NAA38: variants seen among roughly 807,000 people sequenced by gnomAD.
NAA38 encodes the protein LSM domain containing 1.
A neutral mutation model predicts 12.6 loss-of-function variants in NAA38; 15 were observed. The ratio of observed to expected loss-of-function variants is 1.19; its 90% CI spans 0.79 to 1.83. The LOEUF (loss-of-function observed/expected upper bound fraction) is 1.83, where lower values mean the gene tolerates loss of function less well. Among genes scored for constraint, NAA38 ranks in the 40% most tolerant of loss-of-function variants. The probability of loss-of-function intolerance (pLI) is 0.00; values close to 1 mark genes in which losing one functional copy is unlikely to be tolerated. For missense variants in NAA38, 183 were observed against 171.7 expected (o/e 1.07, Z -0.37); for synonymous variants, 88 against 69.9 (o/e 1.26, Z -1.29).
At chr17:7,881,914 C>A (rs1191866264) in intron 2 of NAA38, among the ~76,000 whole-genome samples, 2 of 150,134 alleles carry the variant, frequency 1.3e-5, no homozygotes, top group South Asian at 4.3e-4. Flanking sequence ...GAAAAAGAGG[C>A]TGCCAGCCAG....
chr17:7,885,154 G>A, intron 1 of NAA38: 1 of 982,058 alleles, frequency 1.0e-6, no homozygotes, highest in Non-Finnish European at 1.2e-6. Context: ...GGGCGGGGGC[G>A]AGGCACCCAC....
At chr17:7,858,639 C>G (rs1362395163), upstream of NAA38, 1 of 1,606,362 alleles carries the variant, frequency 6.2e-7, no homozygotes, top group African/African-American at 1.3e-5. Flanking sequence ...GACCGGCTGC[C>G]TGAGGTACTG....
chr17:7,872,633 T>A (rs1967106613), intron 2 of NAA38, among the ~76,000 whole-genome samples: 3 of 152,254 alleles, frequency 2.0e-5, no homozygotes, highest in Non-Finnish European at 4.4e-5. Context: ...AGTGCTGGGA[T>A]TATAGGCCTG....
Position 7,856,791 on chromosome 17 carries a change from T to C in NAA38, c.318A>G (p.Gly106=). 6.2e-7 allele frequency: 1 copy of C among 1,613,910 alleles called. No individual in the cohort carries two copies. The highest frequency in any genetic ancestry group is 8.5e-7 in the Non-Finnish European group (1 of 1,180,004). ...PRVLGLAMVP[G]HHIVSIEVQR... ...GCACCTCAATGGAAACGATGTGGTG[T>C]CCGGGTACCATGGCCAGGCCCAGCA... The change falls in exon 3 of 3, where the codon GGA becomes GGG. Residue 106 remains glycine (G), a synonymous_variant. Coordinates refer to ENST00000575771, the MANE Select transcript of NAA38 (RefSeq NM_001320925.4).
At chr17:7,878,410 G>A (rs1371538025) in intron 2 of NAA38, among the ~76,000 whole-genome samples, 1 of 151,774 alleles carries the variant, frequency 6.6e-6, no homozygotes, top group East Asian at 1.9e-4. Context: ...TGATCAACAT[G>A]GGGTTGCTGA....
upstream of NAA38, chr17:7,862,698 C>T (rs972096167): frequency 2.7e-5 from 4 of 149,456 alleles, no homozygotes; most frequent in Non-Finnish European, 5.9e-5. Context: ...GAGATAGTGC[C>T]ATTGCACTCC....
intron 2 of NAA38, 85 bp downstream of exon 2, chr17:7,856,930 G>C (rs1567810899): frequency 6.3e-7 from 1 of 1,591,562 alleles, no homozygotes. Flanking sequence ...AGAAAACAAG[G>C]GTTGCAGCCA....
intron 2 of NAA38, among the ~76,000 whole-genome samples, chr17:7,876,613 C>G (rs193104174): frequency 3.3e-5 from 5 of 152,200 alleles, no homozygotes; most frequent in East Asian, 1.9e-4. Flanking sequence ...TTGCTTCCCC[C>G]CTCCCAACCA....
At chr17:7,884,914 G>A (rs1453137304) in intron 1 of NAA38, 2 of 1,418,602 alleles carry the variant, frequency 1.4e-6, no homozygotes, top group Non-Finnish European at 1.9e-6. Flanking sequence ...AGGAGGAGGT[G>A]GAGGCGGCCG....
At chr17:7,863,925 C>A (rs1966917348) in intron 3 of NAA38, 1 of 152,192 alleles carries the variant, frequency 6.6e-6, no homozygotes, top group African/African-American at 2.4e-5. Context: ...AAGCTCTAAC[C>A]TTTGGGGCTA....
chr17:7,878,266 G>A (rs1336167002), intron 2 of NAA38, among the ~76,000 whole-genome samples: 1 of 151,932 alleles, frequency 6.6e-6, no homozygotes, highest in African/African-American at 2.4e-5. Context: ...TATAGATATG[G>A]CAAATCATGA....
At chr17:7,860,147 CTTT>C (rs57736014), upstream of NAA38, 5 of 147,252 alleles carry the variant, frequency 3.4e-5, no homozygotes, top group African/African-American at 1.0e-4. Flanking sequence ...CATATACCCT[CTTT>C]TTTTTTTTTG....
At chr17:7,875,954 T>TTA (rs1009166744) in intron 2 of NAA38, among the ~76,000 whole-genome samples, 9 of 152,252 alleles carry the variant, frequency 5.9e-5, no homozygotes, top group African/African-American at 1.9e-4. Context: ...TTCATCCATC[T>TTA]TATAGCATGT....
chr17:7,858,201 G>C, upstream of NAA38: 2 of 1,613,986 alleles, frequency 1.2e-6, no homozygotes, highest in Non-Finnish European at 1.7e-6. Flanking sequence ...TTTCACGCCG[G>C]CGGAGGTGGC....
intron 2 of NAA38, among the ~76,000 whole-genome samples, chr17:7,876,799 T>C (rs1038775476): frequency 1.6e-4 from 24 of 152,220 alleles, no homozygotes; most frequent in African/African-American, 5.5e-4. Context: ...CTTTATAAGA[T>C]GTACAATTAA....
chr17:7,878,586 G>A (rs1467116679), intron 2 of NAA38, among the ~76,000 whole-genome samples: 2 of 152,066 alleles, frequency 1.3e-5, no homozygotes, highest in Non-Finnish European at 2.9e-5. Flanking sequence ...AGCCGGGTGT[G>A]GTGGTGGCAC....
At chr17:7,863,349 G>A (rs1597876719) in intron 3 of NAA38, 2 of 152,126 alleles carry the variant, frequency 1.3e-5, no homozygotes, top group Admixed American at 1.3e-4. Flanking sequence ...GGTGGTGGGT[G>A]AAGGATGGAA....
At chr17:7,859,153 T>G, upstream of NAA38, 1 of 598,290 alleles carries the variant, frequency 1.7e-6, no homozygotes, top group East Asian at 2.8e-5. Context: ...ATGGATATAG[T>G]GAGGGGACAG....
chr17:7,866,015 C>G (rs1966963845), intron 3 of NAA38: 1 of 152,130 alleles, frequency 6.6e-6, no homozygotes, highest in South Asian at 2.1e-4. Context: ...TAATGGGAGA[C>G]TCACGGAAGT....
Sources: allele counts gnomAD v4.1 joint callset (sites outside exome capture counted in the v4.1 genomes callset), GRCh38; gene constraint gnomAD v4.1.1; transcripts MANE v1.5; gene names NCBI Gene and HGNC (gene_info 2026-07-23, HGNC 2026-07-21).